The following DHX30 variants were observed in gnomAD, a reference collection of about 807,000 sequenced individuals.
DHX30 encodes ATP-dependent RNA helicase DHX30.
A neutral mutation model predicts 116.9 loss-of-function variants in DHX30; 4 were observed. That is an observed-to-expected ratio of 0.03 (90% confidence interval 0.02 to 0.08). The LOEUF (loss-of-function observed/expected upper bound fraction) is 0.08. Among genes scored for constraint, DHX30 ranks in the 10% least tolerant of loss-of-function variants. DHX30 has a pLI of 1.00. For missense variants in DHX30, 871 were observed against 1,595.1 expected (o/e 0.55, Z 7.73); for synonymous variants, 697 against 651.7 (o/e 1.07, Z -1.06).
chr3:47,803,642 A>G (rs940403216), intron 1 of DHX30, among the ~76,000 whole-genome samples: 1 of 151,934 alleles, frequency 6.6e-6, no homozygotes, highest in Non-Finnish European at 1.5e-5. Flanking sequence ...TGCTGCCCGG[A>G]CCGTTCGTCC....
In DHX30 at chr3:47,829,166, C is replaced by T. The variant is rs116727997; in HGVS notation, c.366+32C>T. The T allele has an allele frequency of 1.6e-3, 1,950 of 1,251,038 alleles. 24 individuals are homozygous for T. The African/African-American group carries it at 0.025, about 16-fold the overall frequency. The allele number at this position is 1,251,038 out of a possible 1,614,324, so 77.5% of individuals were successfully genotyped here. A position where few individuals can be genotyped will look rare whatever the true frequency, so the allele number is the denominator to read the frequency against. On this transcript the variant is annotated intron_variant, in intron 6 of 21. Coordinates refer to ENST00000445061, the MANE Select transcript of DHX30 (RefSeq NM_138615.3). ...CTTCCTCAGTGAAAGCCACTGAGAC[C>T]TTCCTCCTGGAAACTCCTTGCCCTT...
Position 47,841,631 on chromosome 3 carries a change from A to C in DHX30, c.683A>C (p.Glu228Ala). The change falls in exon 8 of 22, where the codon GAG becomes GCG. Residue 228 changes from glutamate (E) to alanine (A), a missense_variant. Physicochemically the swap from Glu to Ala is moderately radical, Grantham distance 107. This residue lies in a region of DHX30 where 109 missense variants were observed against 118.8 expected (regional missense o/e 0.92). Transcript: ENST00000445061. ...PLRDSRGSSF[E>A]MTDDDSAIRA... ...GGTCCTCCCAGGGGGAGTTCCTTTG[A>C]GATGACAGATGACGACAGTGCCATT... The C allele has an allele frequency of 6.2e-7, 1 of 1,614,232 alleles. No homozygotes were observed. Among genetic ancestry groups the C allele is most frequent in the Non-Finnish European group, 8.5e-7 (1 of 1,180,044 alleles).
Position 47,849,976 on chromosome 3 carries a change from C to G in DHX30, c.3441C>G (p.Arg1147=). Residue 1147 remains arginine (R), a synonymous_variant, in exon 22 of 22, where the codon CGC becomes CGG. Transcript: ENST00000445061. Reference sequence around the variant, plus strand: ...AGGAGCTGCGGCGGGCCCTGGGCCGCATGGTGGAGCGGAGCCTGCGCAGCG... The same window carrying G: ...AGGAGCTGCGGCGGGCCCTGGGCCGGATGGTGGAGCGGAGCCTGCGCAGCG... ...LLKELRRALG[R]MVERSLRSEL... The G allele has an allele frequency of 6.2e-7, 1 of 1,612,738 alleles. No homozygotes were observed. Among genetic ancestry groups the G allele is most frequent in the Non-Finnish European group, 8.5e-7 (1 of 1,179,706 alleles).
intron 8 of DHX30, 68 bp downstream of exon 8, chr3:47,841,805 G>T (rs755692324): frequency 7.8e-5 from 126 of 1,611,288 alleles, no homozygotes; most frequent in Non-Finnish European, 1.0e-4. Context: ...TTCCCTAAAG[G>T]CAGGTTTAGA....
At chr3:47,816,969 TCTA>T in intron 3 of DHX30, 1 of 985,014 alleles carries the variant, frequency 1.0e-6, no homozygotes, top group Non-Finnish European at 1.2e-6. Flanking sequence ...AGATTATAAT[TCTA>T]CTCCTGCTTT....
At chr3:47,805,476 G>T in intron 2 of DHX30, 56 bp downstream of exon 2, 1 of 398,764 alleles carries the variant, frequency 2.5e-6, no homozygotes, top group Non-Finnish European at 4.4e-6. Flanking sequence ...CAGCTGTACT[G>T]TAAAACAAGA....
intron 6 of DHX30, among the ~76,000 whole-genome samples, chr3:47,833,068 A>G (rs1313758405): frequency 6.6e-6 from 1 of 150,958 alleles, no homozygotes; most frequent in South Asian, 2.1e-4. Flanking sequence ...TATAGGTGTG[A>G]GTCACGGCTC....
chr3:47,806,859 A>C (rs550804744), intron 2 of DHX30, among the ~76,000 whole-genome samples: 33 of 149,840 alleles, frequency 2.2e-4, no homozygotes, highest in African/African-American at 7.8e-4. Context: ...TCCCAAAGTG[A>C]TGGGATTACA....
chr3:47,809,234 C>CTTTTTTTTTTTTTT lies in DHX30; in HGVS notation c.-27-1411_-27-1398dup, dbSNP rs71070231. Reference sequence around the variant, plus strand: ...AGAAGGTGTCTATGGAATGTAACTTCTTTTTTTTTTTTTTTTTTTTTTTTT... The same window carrying CTTTTTTTTTTTTTT: ...AGAAGGTGTCTATGGAATGTAACTTCTTTTTTTTTTTTTTTTTTTTTTTTTTTTTTTTTTTTTTT... On this transcript the variant is annotated intron_variant, in intron 2 of 21. Coordinates refer to ENST00000445061, the MANE Select transcript of DHX30 (RefSeq NM_138615.3). 3.1e-5 allele frequency among the ~76,000 whole-genome samples: 2 copies of CTTTTTTTTTTTTTT among 63,502 alleles called. 1 individual carries two copies. 41.7% of individuals were successfully genotyped at this position (63,502 alleles called of 152,430 possible).
At position 47,850,026 on chromosome 3, in the gene DHX30, T is replaced by C; in HGVS notation, c.3491T>C (p.Val1164Ala). ...RSELAALPPS[V>A]QEEHGQLLAL... ...GAGCTGGCTGCACTTCCCCCCAGCG[T>C]ACAGGAGGAGCACGGGCAGCTGCTT... The change falls in exon 22 of 22, where the codon GTA (valine) becomes GCA (alanine). Residue 1164 changes from valine (V) to alanine (A), a missense_variant. Physicochemically the swap from Val to Ala is moderately conservative, Grantham distance 64 (BLOSUM62 0). Coordinates refer to ENST00000445061, the MANE Select transcript of DHX30 (RefSeq NM_138615.3). The C allele has an allele frequency of 3.1e-6, 5 of 1,609,674 alleles. No individual in the cohort carries two copies. Among genetic ancestry groups the C allele is most frequent in the Non-Finnish European group, 4.2e-6 (5 of 1,178,862 alleles).
intron 3 of DHX30, among the ~76,000 whole-genome samples, chr3:47,817,666 G>C (rs1257889330): frequency 6.6e-6 from 1 of 152,184 alleles, no homozygotes; most frequent in Non-Finnish European, 1.5e-5. Flanking sequence ...TGGTGCTTTT[G>C]AGTTGATGTA....
chr3:47,822,789 A>C (rs2036355381), intron 4 of DHX30, among the ~76,000 whole-genome samples: 1 of 151,436 alleles, frequency 6.6e-6, no homozygotes, highest in Non-Finnish European at 1.5e-5. Flanking sequence ...TGTCTCAAAA[A>C]AATAAACATA....
At chr3:47,825,660 T>C (rs2036520411) in intron 4 of DHX30, among the ~76,000 whole-genome samples, 2 of 152,166 alleles carry the variant, frequency 1.3e-5, no homozygotes, top group South Asian at 4.1e-4. Flanking sequence ...ATTCCAGCTT[T>C]GTGCCTCCCA....
rs2037708026 is a variant in DHX30, at chr3:47,848,308, T to C, written c.2415T>C (p.Pro805=). 6.2e-7 allele frequency: 1 copy of C among 1,613,984 alleles called. No homozygotes were observed. Among genetic ancestry groups the C allele is most frequent in the Non-Finnish European group, 8.5e-7 (1 of 1,179,988 alleles). The change falls in exon 15 of 22, where the codon CCT becomes CCC. Residue 805 remains proline, a synonymous_variant. Coordinates refer to ENST00000445061, the MANE Select transcript of DHX30 (RefSeq NM_138615.3). This position sits in a 1 kb window ranked among gnomAD's most constrained non-coding sequence, Gnocchi z 9.4. ...GAAGCCGGCTGGAGAAAATGGTCCCTTTCCAAGTGCCAGAGATCCTGCGCA... is the reference window on the plus strand; with the variant it reads ...GAAGCCGGCTGGAGAAAATGGTCCCCTTCCAAGTGCCAGAGATCCTGCGCA... ...FPRSRLEKMV[P]FQVPEILRTP...
chr3:47,823,171 C>T (rs141894020), intron 4 of DHX30, among the ~76,000 whole-genome samples: 1 of 151,654 alleles, frequency 6.6e-6, no homozygotes, highest in South Asian at 2.1e-4. Flanking sequence ...GAGACTTACT[C>T]ACTACTATGA....
At chr3:47,815,278 G>A (rs186362251) in intron 3 of DHX30, among the ~76,000 whole-genome samples, 12 of 152,226 alleles carry the variant, frequency 7.9e-5, no homozygotes, top group South Asian at 4.1e-4. Context: ...GGCTATGGTC[G>A]GTGCTCAACC....
chr3:47,849,986 C>A lies in DHX30; in HGVS notation c.3451C>A (p.Arg1151=). Residue 1151 remains arginine (R), a synonymous_variant, in exon 22 of 22, where the codon CGG becomes AGG. Transcript: ENST00000445061. ...GCGGGCCCTGGGCCGCATGGTGGAG[C>A]GGAGCCTGCGCAGCGAGCTGGCTGC... ...LRRALGRMVE[R]SLRSELAALP... is the part of the protein sequence containing the mutation. The A allele has an allele frequency of 1.2e-6, 2 of 1,612,410 alleles. No individual in the cohort carries two copies. The highest frequency in any genetic ancestry group is 1.6e-4 in the Middle Eastern group (1 of 6,062).
At chr3:47,821,136 A>G (rs570669629) in intron 4 of DHX30, among the ~76,000 whole-genome samples, 45 of 151,962 alleles carry the variant, frequency 3.0e-4, no homozygotes, top group Non-Finnish European at 3.7e-4. Flanking sequence ...TTGTATTTTC[A>G]GTAGAGACGG....
At position 47,848,558 on chromosome 3, in the gene DHX30, G is replaced by GGGGCTGGGCT; in HGVS notation, c.2575+22_2575+31dup. The GGGGCTGGGCT allele has an allele frequency of 3.7e-6, 6 of 1,612,898 alleles. No homozygotes were observed. Among genetic ancestry groups the GGGGCTGGGCT allele is most frequent in the East Asian group, 2.2e-5 (1 of 44,852 alleles). ...TCTTGCTCCAGGAGATCGGTATGTAGGGGCTGGGCTGGGCTGGGCTGGGGA... is the reference window on the plus strand; with the variant it reads ...TCTTGCTCCAGGAGATCGGTATGTAGGGGCTGGGCTGGGCTGGGCTGGGCTGGGCTGGGGA... On this transcript the variant is annotated intron_variant, in intron 16 of 21. Transcript: ENST00000445061. The surrounding 1 kb of genome is among the most constrained non-coding windows in gnomAD (Gnocchi z 9.4).
Sources: gnomAD v4.1 joint callset for allele counts (sites outside exome capture counted in the v4.1 genomes callset) on GRCh38, gnomAD v4.1.1 for gene constraint, gnomAD v4.1.1 regional missense constraint, Gnocchi (gnomAD v3.1) non-coding constraint, MANE v1.5 for transcripts, NCBI Gene and HGNC (gene_info 2026-07-23, HGNC 2026-07-21) for gene names.